The following MMP17 variants were observed in gnomAD, a reference collection of about 807,000 sequenced individuals.
The protein encoded by MMP17 is matrix metalloproteinase-17.
In MMP17, 54 loss-of-function variants were observed where a neutral mutation model predicts 49.1. That is an observed-to-expected ratio of 1.10 (90% CI 0.88 to 1.38). The LOEUF is 1.38. MMP17 is among the 40% of genes most tolerant of loss of function. MMP17 has a pLI of 0.00. For synonymous variants in MMP17, 397 were observed against 383.1 expected (o/e 1.04, Z -0.42); for missense variants, 837 against 853.7 (o/e 0.98, Z 0.24).
In MMP17 at chr12:131,840,823, G is replaced by A. The variant is rs778858266; in HGVS notation, c.673G>A (p.Asp225Asn). ...CCACACCGCCGGGGACACCCACTTT[G>A]ACGATGACGAGGCCTGGACCTTCCG... is the stretch of plus-strand genomic sequence containing the variant. ...HHHTAGDTHF[D>N]DDEAWTFRSS... Residue 225 changes from aspartate (D) to asparagine (N), a missense_variant, in exon 4 of 10, where the codon GAC becomes AAC. Coordinates refer to ENST00000360564, the MANE Select transcript of MMP17 (RefSeq NM_016155.7). 1.2e-6 allele frequency: 2 copies of A among 1,607,060 alleles called. No individual in the cohort carries two copies. Among genetic ancestry groups the A allele is most frequent in the Non-Finnish European group, 1.7e-6 (2 of 1,179,448 alleles).
chr12:131,840,767 C>A lies in MMP17; in HGVS notation c.617C>A (p.Thr206Asn). The A allele has an allele frequency of 6.2e-7, 1 of 1,604,930 alleles. No homozygotes were observed. Among genetic ancestry groups the A allele is most frequent in the Non-Finnish European group, 8.5e-7 (1 of 1,179,842 alleles). The change falls in exon 4 of 10, where the codon ACC becomes AAC. Residue 206 changes from threonine to asparagine, a missense_variant. By Grantham distance (65) the Thr-to-Asn change is moderately conservative. Coordinates refer to ENST00000360564, the MANE Select transcript of MMP17 (RefSeq NM_016155.7). ...TACCCCTTCGACGGCCCCGGCGGCA[C>A]CGTGGCCCACGCCTTCTTCCCCGGC... The part of the protein sequence containing the change: ...DGYPFDGPGG[T>N]VAHAFFPGHH...
intron 6 of MMP17, 188 bp from the exon 7 acceptor site, chr12:131,844,930 C>A: frequency 2.6e-6 from 1 of 385,094 alleles, no homozygotes; most frequent in East Asian, 3.8e-5. Context: ...GATCTCGGCC[C>A]CCGCCCGCTG....
At chr12:131,839,643 T>A (rs1232635007) in intron 3 of MMP17, among the ~76,000 whole-genome samples, 1 of 152,126 alleles carries the variant, frequency 6.6e-6, no homozygotes, top group Non-Finnish European at 1.5e-5. Flanking sequence ...CCAACTAATT[T>A]TTTGTATTTT....
intron 6 of MMP17, chr12:131,844,711 TGTCCCTG>T: frequency 4.2e-6 from 1 of 239,030 alleles, no homozygotes; most frequent in Non-Finnish European, 8.4e-6. Flanking sequence ...ACATGCACCT[TGTCCCTG>T]ACCTTCTGTC....
Position 131,850,074 on chromosome 12 carries a change from G to T in MMP17, c.1462+15G>T. On this transcript the variant is annotated intron_variant, in intron 9 of 9. Transcript: ENST00000360564. Reference sequence around the variant, plus strand: ...CTGGTCCGACGGTGAGTGCCAGCTGGGGGGACGGGCCATGCGGCCTTGGTT... The same window carrying T: ...CTGGTCCGACGGTGAGTGCCAGCTGTGGGGACGGGCCATGCGGCCTTGGTT... 1 of 1,598,816 alleles carries T rather than the reference G, an allele frequency of 6.3e-7. No individual in the cohort carries two copies. The highest frequency in any genetic ancestry group is 2.3e-5 in the East Asian group (1 of 44,128).
chr12:131,830,394 G>GA (rs1886729691), intron 1 of MMP17, among the ~76,000 whole-genome samples: 2 of 152,236 alleles, frequency 1.3e-5, no homozygotes, highest in South Asian at 4.1e-4. Context: ...TCCAGCCGGA[G>GA]AGGGAGGACG....
chr12:131,851,217 G>A lies in MMP17; in HGVS notation c.1755G>A (p.Leu585=). ...GPLVAATMLL[L]LPPLSPGALW... ...TGGTGGCTGCCACCATGCTGCTGCT[G>A]CTGCCGCCACTGTCACCAGGCGCCC... Residue 585 remains leucine, a synonymous_variant, in exon 10 of 10, where the codon CTG becomes CTA. Coordinates refer to ENST00000360564, the MANE Select transcript of MMP17 (RefSeq NM_016155.7). 6.9e-7 allele frequency: 1 copy of A among 1,453,080 alleles called. No individual in the cohort carries two copies. Among genetic ancestry groups the A allele is most frequent in the Non-Finnish European group, 9.1e-7 (1 of 1,100,500 alleles). The allele number at this position is 1,453,080 out of a possible 1,614,324, so 90.0% of individuals were successfully genotyped here.
rs898557001 is a variant in MMP17, at chr12:131,851,455, G to A, written c.*181G>A. ...CTGGGCAGGCTCAGGTGGCAAGGAC[G>A]GAGCTGTCCCCTAGTGAGGGACTGT... On this transcript the variant is annotated 3_prime_UTR_variant, in exon 10 of 10. Transcript: ENST00000360564. 7 of 479,206 alleles carry A rather than the reference G, an allele frequency of 1.5e-5. No individual in the cohort carries two copies. The highest frequency in any genetic ancestry group is 7.0e-5 in the South Asian group (1 of 14,236). 29.7% of individuals were successfully genotyped at this position (479,206 alleles called of 1,614,324 possible).
At position 131,838,304 on chromosome 12, in the gene MMP17, G is replaced by T; in HGVS notation, c.269G>T (p.Gly90Val). 1 of 1,613,102 alleles carries T rather than the reference G, an allele frequency of 6.2e-7. No individual in the cohort carries two copies. Among genetic ancestry groups the T allele is most frequent in the South Asian group, 1.1e-5 (1 of 91,072 alleles). ...ATCACAGCCATGCAGCAGTTTGGTGGCCTGGAGGCCACCGGCATCCTGGGT... is the reference window on the plus strand; with the variant it reads ...ATCACAGCCATGCAGCAGTTTGGTGTCCTGGAGGCCACCGGCATCCTGGGT... ...KAITAMQQFG[G>V]LEATGILDEA... The change falls in exon 2 of 10, where the codon GGC (glycine) becomes GTC (valine). Residue 90 changes from glycine to valine, a missense_variant. Gly to Val is a moderately radical substitution (Grantham distance 109). Transcript: ENST00000360564.
chr12:131,850,138 GA>G, intron 9 of MMP17, 79 bp downstream of exon 9: 1 of 1,470,280 alleles, frequency 6.8e-7, no homozygotes, highest in South Asian at 1.4e-5. Flanking sequence ...GGGCAGCCAA[GA>G]GGTTCCCTGA....
rs146016521 is a variant in MMP17, at chr12:131,841,673, C to T, written c.756C>T (p.His252=). The T allele has an allele frequency of 1.8e-5, 29 of 1,614,094 alleles. No homozygotes were observed. Among genetic ancestry groups the T allele is most frequent in the South Asian group, 1.4e-4 (13 of 91,090 alleles). The part of the protein sequence containing the change: ...LFAVAVHEFG[H]AIGLSHVAAA... ...CAGTGGCTGTCCACGAGTTTGGCCACGCCATTGGGTTAAGCCATGTGGCCG... is the reference window on the plus strand; with the variant it reads ...CAGTGGCTGTCCACGAGTTTGGCCATGCCATTGGGTTAAGCCATGTGGCCG... Residue 252 remains histidine, a synonymous_variant, in exon 5 of 10, where the codon CAC becomes CAT. Transcript: ENST00000360564.
intron 5 of MMP17, among the ~76,000 whole-genome samples, chr12:131,842,637 GT>G (rs1251631724): frequency 6.6e-6 from 1 of 151,990 alleles, no homozygotes; most frequent in African/African-American, 2.4e-5. Context: ...GCCGGATATG[GT>G]AGCAGGTGCC....
chr12:131,838,921 G>T (rs1273090883), intron 3 of MMP17, among the ~76,000 whole-genome samples, 180 bp downstream of exon 3: 1 of 150,738 alleles, frequency 6.6e-6, no homozygotes, highest in Non-Finnish European at 1.5e-5. Flanking sequence ...CGCGTGGCCA[G>T]GGTGGGGAAC....
At chr12:131,850,347 G>C (rs1316264891) in intron 9 of MMP17, among the ~76,000 whole-genome samples, 1 of 152,158 alleles carries the variant, frequency 6.6e-6, no homozygotes, top group Non-Finnish European at 1.5e-5. Context: ...CACTGGCCAT[G>C]CCTCGTCTGG....
chr12:131,848,579 CT>C, intron 8 of MMP17, among the ~76,000 whole-genome samples: 1 of 149,720 alleles, frequency 6.7e-6, no homozygotes, highest in South Asian at 2.1e-4. Flanking sequence ...CGCCCCGCCC[CT>C]GGGCAGCCCC....
In MMP17 at chr12:131,828,407, GC is replaced by G. The variant is rs1886614271; in HGVS notation, c.-86del. ...GCGCGGGGCTCAGTCCGGCGGGGGC[GC>G]CGCGGAGAGCGGAGGGCGCCGGGCT... On this transcript the variant is annotated 5_prime_UTR_variant, in exon 1 of 10. Transcript: ENST00000360564. 1.3e-6 allele frequency: 1 copy of G among 782,650 alleles called. No individual in the cohort carries two copies. The highest frequency in any genetic ancestry group is 1.6e-6 in the Non-Finnish European group (1 of 644,860). 48.5% of individuals were successfully genotyped at this position (782,650 alleles called of 1,614,324 possible). A position where few individuals can be genotyped will look rare whatever the true frequency, so the allele number is the denominator to read the frequency against.
intron 1 of MMP17, among the ~76,000 whole-genome samples, chr12:131,837,165 G>GGCTCACGTCCTC (rs2136317220): frequency 6.6e-6 from 1 of 152,320 alleles, no homozygotes; most frequent in Non-Finnish European, 1.5e-5. Context: ...TCCACGTCCT[G>GGCTCACGTCCTC]GCTCACGTCC....
Position 131,843,458 on chromosome 12 carries a change from G to C in MMP17, c.884-539G>C, listed in dbSNP as rs137899973. 4.0e-3 allele frequency among the ~76,000 whole-genome samples: 603 copies of C among 152,040 alleles called. 4 individuals carry two copies. Among genetic ancestry groups the C allele is most frequent in the Admixed American group, 4.3e-3 (66 of 15,260 alleles). ...AATGGGGTCTCACCATGTTGCCCAG[G>C]CTGGTCTCAAACTCCTGGGCTCAAG... On this transcript the variant is annotated intron_variant, in intron 5 of 9. Coordinates refer to ENST00000360564, the MANE Select transcript of MMP17 (RefSeq NM_016155.7).
intron 1 of MMP17, among the ~76,000 whole-genome samples, chr12:131,830,584 AG>A (rs1886740590): frequency 6.6e-6 from 1 of 152,206 alleles, no homozygotes; most frequent in Non-Finnish European, 1.5e-5. Flanking sequence ...GGGAGGGACG[AG>A]GAGGCCGGGA....
Sources: gnomAD v4.1 joint callset for allele counts (sites outside exome capture counted in the v4.1 genomes callset) on GRCh38, gnomAD v4.1.1 for gene constraint, MANE v1.5 for transcripts, NCBI Gene and HGNC (gene_info 2026-07-23, HGNC 2026-07-21) for gene names.